TMEM236: variants seen among roughly 807,000 people sequenced by gnomAD.
The protein encoded by TMEM236 is family with sequence similarity 23, member A.
A neutral mutation model predicts 14.7 loss-of-function variants in TMEM236; 11 were observed. That is an observed-to-expected ratio of 0.75 (90% CI 0.47 to 1.24). The LOEUF (loss-of-function observed/expected upper bound fraction) is 1.24. Among genes scored for constraint, TMEM236 ranks in the 50% most tolerant of loss-of-function variants. The pLI is 0.00. For missense variants in TMEM236, 464 were observed against 427.3 expected, an observed-to-expected ratio of 1.09 and a Z score of -0.76; for synonymous variants, 182 against 168.6, an observed-to-expected ratio of 1.08 and a Z score of -0.62.
At chr10:17,753,068 G>C (rs1186256149) in intron 1 of TMEM236, among the ~76,000 whole-genome samples, 1 of 151,936 alleles carries the variant, frequency 6.6e-6, no homozygotes, top group Non-Finnish European at 1.5e-5. Flanking sequence ...GCTAAGTTTT[G>C]TACTTTTAGT....
At position 17,796,101 on chromosome 10, in the gene TMEM236, C is replaced by T; in HGVS notation, c.653C>T (p.Pro218Leu). The T allele has an allele frequency of 6.2e-7, 1 of 1,613,846 alleles. No individual in the cohort carries two copies. Among genetic ancestry groups the T allele is most frequent in the Middle Eastern group, 1.7e-4 (1 of 6,056 alleles). The change falls in exon 4 of 4, where the codon CCC (proline) becomes CTC (leucine). Residue 218 changes from proline to leucine, a missense_variant. By Grantham distance (98) the Pro-to-Leu change is moderately conservative. Coordinates refer to ENST00000377495, the MANE Select transcript of TMEM236 (RefSeq NM_001098844.3). Reference sequence around the variant, plus strand: ...TCTGTGTTCATGGGACCCCAGGAGCCCTCCTGTGACTCCGGAATCCTGAGA... The same window carrying T: ...TCTGTGTTCATGGGACCCCAGGAGCTCTCCTGTGACTCCGGAATCCTGAGA... ...QESVFMGPQEPSCDSGILRMM... is the reference protein window; with the variant it reads ...QESVFMGPQELSCDSGILRMM...
At chr10:17,768,331 A>C (rs1275200583) in intron 1 of TMEM236, among the ~76,000 whole-genome samples, 3 of 152,148 alleles carry the variant, frequency 2.0e-5, no homozygotes, top group Non-Finnish European at 4.4e-5. Flanking sequence ...ATCCAAGTTT[A>C]AACTTTAAAA....
In TMEM236 at chr10:17,753,702, C is replaced by T. The variant is rs924591424; in HGVS notation, c.257+1150C>T. The stretch of plus-strand genomic sequence containing the variant: ...TTTGCCATTGTGAATAGTACTGCAA[C>T]GAACATACGGGTGCATGTGTCTGTA... On this transcript the variant is annotated intron_variant, in intron 1 of 3. Coordinates refer to ENST00000377495, the MANE Select transcript of TMEM236 (RefSeq NM_001098844.3). 3.3e-5 allele frequency among the ~76,000 whole-genome samples: 5 copies of T among 152,218 alleles called. No individual in the cohort carries two copies. In the East Asian group the frequency reaches 5.8e-4, roughly 18 times the overall value.
intron 1 of TMEM236, among the ~76,000 whole-genome samples, chr10:17,764,113 T>G (rs1837421284): frequency 6.6e-6 from 1 of 152,178 alleles, no homozygotes; most frequent in South Asian, 2.1e-4. Flanking sequence ...AACGTTAACT[T>G]CATGAGTTAG....
chr10:17,774,347 C>G (rs1225927514), intron 2 of TMEM236, among the ~76,000 whole-genome samples: 1 of 152,128 alleles, frequency 6.6e-6, no homozygotes, highest in Non-Finnish European at 1.5e-5. Flanking sequence ...GCCCAGCCTC[C>G]TAATTATATT....
At position 17,795,935 on chromosome 10, in the gene TMEM236, C is replaced by A; in HGVS notation, c.487C>A (p.His163Asn). ...RGSQKSSENG[H>N]IHSTSLQHIK... ...GTTAATTGCAGGTAGTGAAAATGGACACATCCATTCAACCTCTTTGCAACA... is the reference window on the plus strand; with the variant it reads ...GTTAATTGCAGGTAGTGAAAATGGAAACATCCATTCAACCTCTTTGCAACA... Residue 163 changes from histidine (H) to asparagine (N), a missense_variant, in exon 4 of 4, where the codon CAC (histidine) becomes AAC (asparagine). Physicochemically the swap from His to Asn is moderately conservative, Grantham distance 68. Coordinates refer to ENST00000377495, the MANE Select transcript of TMEM236 (RefSeq NM_001098844.3). 6.2e-7 allele frequency: 1 copy of A among 1,613,786 alleles called. No homozygotes were observed. Among genetic ancestry groups the A allele is most frequent in the Non-Finnish European group, 8.5e-7 (1 of 1,179,804 alleles).
intron 3 of TMEM236, among the ~76,000 whole-genome samples, chr10:17,791,437 A>G (rs970499641): frequency 6.6e-6 from 1 of 152,178 alleles, no homozygotes; most frequent in Non-Finnish European, 1.5e-5. Flanking sequence ...CGGTCTGGGC[A>G]ACAGAGCAAG....
chr10:17,757,434 C>T (rs1349215694), intron 1 of TMEM236, among the ~76,000 whole-genome samples: 2 of 151,608 alleles, frequency 1.3e-5, no homozygotes, highest in Non-Finnish European at 2.9e-5. Context: ...CCTGTCTCTA[C>T]AAAAAAATTA....
At chr10:17,785,514 A>C (rs1204643712) in intron 3 of TMEM236, among the ~76,000 whole-genome samples, 1 of 152,214 alleles carries the variant, frequency 6.6e-6, no homozygotes, top group Non-Finnish European at 1.5e-5. Context: ...CACTTTTACC[A>C]AATAGCATGT....
chr10:17,759,774 A>G (rs1837329108), intron 1 of TMEM236, among the ~76,000 whole-genome samples: 2 of 151,980 alleles, frequency 1.3e-5, no homozygotes, highest in African/African-American at 4.8e-5. Context: ...AGACTGCCCC[A>G]AGGGGACCAT....
In TMEM236 at chr10:17,796,211, G is replaced by T; in HGVS notation, c.763G>T (p.Ala255Ser). 6.2e-6 allele frequency: 10 copies of T among 1,613,940 alleles called. No individual in the cohort carries two copies. Among genetic ancestry groups the T allele is most frequent in the Non-Finnish European group, 7.6e-6 (9 of 1,179,874 alleles). Residue 255 changes from alanine to serine, a missense_variant, in exon 4 of 4, where the codon GCT becomes TCT. By Grantham distance (99) the Ala-to-Ser change is moderately conservative. Coordinates refer to ENST00000377495, the MANE Select transcript of TMEM236 (RefSeq NM_001098844.3). ...TGACACGATAGAAATGGTGCGTGTG[G>T]CTGGTCACCCCAACGTGTACAAGTC... ...WSDTIEMVRV[A>S]GHPNVYKSSW...
At chr10:17,784,021 G>A (rs1837796218) in intron 3 of TMEM236, among the ~76,000 whole-genome samples, 1 of 151,826 alleles carries the variant, frequency 6.6e-6, no homozygotes, top group Non-Finnish European at 1.5e-5. Flanking sequence ...TAGGTGTAGT[G>A]TATGTTTCAG....
intron 2 of TMEM236, among the ~76,000 whole-genome samples, chr10:17,772,897 A>G (rs1837597087): frequency 6.6e-6 from 1 of 151,716 alleles, no homozygotes; most frequent in African/African-American, 2.4e-5. Flanking sequence ...ACTGCAGGCT[A>G]GTTTGTCTGT....
At chr10:17,783,948 C>CT (rs1229256462) in intron 3 of TMEM236, among the ~76,000 whole-genome samples, 5 of 150,752 alleles carry the variant, frequency 3.3e-5, no homozygotes, top group East Asian at 2.0e-4. Context: ...CTTCTACTTC[C>CT]TTTTTTTTTC....
In TMEM236 at chr10:17,799,235, T is replaced by C. The variant is rs1280440089; in HGVS notation, c.*2731T>C. The C allele has an allele frequency of 2.5e-5, 4 of 157,288 alleles. No individual in the cohort carries two copies. The highest frequency in any genetic ancestry group is 6.1e-5 in the Admixed American group (1 of 16,356). 9.7% of individuals were successfully genotyped at this position (157,288 alleles called of 1,614,324 possible). A position where few individuals can be genotyped will look rare whatever the true frequency, so the allele number is the denominator to read the frequency against. ...TTCCTTAAAGGAAAGCCTGAGGGCA[T>C]CTTGTTTAACAATGCATCTCTCTCT... On this transcript the variant is annotated 3_prime_UTR_variant, in exon 4 of 4. Transcript: ENST00000377495.
intron 3 of TMEM236, among the ~76,000 whole-genome samples, chr10:17,779,075 C>T (rs1837704310): frequency 1.3e-5 from 2 of 152,134 alleles, no homozygotes. Context: ...ATCCCCAGTC[C>T]CGTGCAGAAA....
chr10:17,780,041 T>C (rs1837721561), intron 3 of TMEM236, among the ~76,000 whole-genome samples: 3 of 152,304 alleles, frequency 2.0e-5, no homozygotes, highest in African/African-American at 7.2e-5. Flanking sequence ...ACTGTTTTTT[T>C]CTTGGAAACA....
chr10:17,770,298 T>C (rs1255877508), intron 1 of TMEM236, among the ~76,000 whole-genome samples: 4 of 152,230 alleles, frequency 2.6e-5, no homozygotes, highest in Non-Finnish European at 5.9e-5. Flanking sequence ...AATATTTCAT[T>C]GTAGAAAACC....
intron 1 of TMEM236, among the ~76,000 whole-genome samples, chr10:17,767,420 A>G (rs2436690): frequency 0.45 from 68,432 of 151,994 alleles, 15,622 homozygotes; most frequent in African/African-American, 0.54. Context: ...GAGATCAGCC[A>G]TTGCACTCCA....
Sources: gnomAD v4.1 joint callset for allele counts (sites outside exome capture counted in the v4.1 genomes callset) on GRCh38, gnomAD v4.1.1 for gene constraint, MANE v1.5 for transcripts, NCBI Gene and HGNC (gene_info 2026-07-23, HGNC 2026-07-21) for gene names.